CCDC62: variants seen among roughly 807,000 people sequenced by gnomAD.
CCDC62 encodes the protein coiled-coil domain-containing protein 62.
Under a neutral mutation model 80.8 loss-of-function variants are expected in CCDC62, and 72 were observed. The observed-to-expected ratio is 0.89, with a 90% confidence interval of 0.74 to 1.08. CCDC62 has a LOEUF of 1.08. Ranked by LOEUF, CCDC62 falls within the 50% of genes least tolerant of loss-of-function variation. The pLI, the probability that CCDC62 is intolerant of heterozygous loss-of-function variation, is 0.00. For missense variants in CCDC62, 704 were observed against 809.4 expected (o/e 0.87, Z 1.58); for synonymous variants, 286 against 296.5 (o/e 0.96, Z 0.36).
chr12:122,823,482 A>C, intron 12 of CCDC62, 23 bp downstream of exon 12: 1 of 1,074,242 alleles, frequency 9.3e-7, no homozygotes, highest in Non-Finnish European at 1.4e-6. Flanking sequence ...TGCTTATCTC[A>C]CCTTATATCT....
chr12:122,795,788 T>C (rs753825706), intron 6 of CCDC62, among the ~76,000 whole-genome samples: 1 of 152,158 alleles, frequency 6.6e-6, no homozygotes, highest in Non-Finnish European at 1.5e-5. Context: ...ATGATACTAG[T>C]TTACATTTCT....
At chr12:122,821,476 G>T (rs2032401048) in intron 11 of CCDC62, among the ~76,000 whole-genome samples, 1 of 152,114 alleles carries the variant, frequency 6.6e-6, no homozygotes. Flanking sequence ...CTGAGACAGG[G>T]TGTCACTCTC....
intron 10 of CCDC62, among the ~76,000 whole-genome samples, chr12:122,812,141 A>G (rs1410086954): frequency 1.3e-5 from 2 of 152,092 alleles, no homozygotes; most frequent in Non-Finnish European, 2.9e-5. Context: ...TTAACTGAGT[A>G]GGTTCTAAGA....
At chr12:122,814,289 AAAAAAAAAAAAAGAG>A (rs1368913269) in intron 11 of CCDC62, among the ~76,000 whole-genome samples, 1 of 38,184 alleles carries the variant, frequency 2.6e-5, no homozygotes, top group African/African-American at 4.5e-5. Flanking sequence ...CAAAAAAAAA[AAAAAAAAAAAAAGAG>A]AGAGAGAAAG....
At chr12:122,802,615 T>G (rs1282937970) in intron 9 of CCDC62, among the ~76,000 whole-genome samples, 1 of 151,824 alleles carries the variant, frequency 6.6e-6, no homozygotes, top group East Asian at 1.9e-4. Context: ...GGTCTCACCA[T>G]ATTGGCCAGG....
chr12:122,774,591 C>CGCTCGGGGCA lies in CCDC62; in HGVS notation c.-78_-69dup, dbSNP rs1484034825. On this transcript the variant is annotated 5_prime_UTR_variant, in exon 1 of 13. Coordinates refer to ENST00000253079, the MANE Select transcript of CCDC62 (RefSeq NM_201435.5). ...CCCGGGGCTCCGGGCTCGCCCCCGC[C>CGCTCGGGGCA]GCTCGGGGCAGGCGCGCCGATGGCG... is the stretch of plus-strand genomic sequence containing the variant. The CGCTCGGGGCA allele has an allele frequency of 1.4e-5, 16 of 1,119,562 alleles. No individual in the cohort carries two copies. The highest frequency in any genetic ancestry group is 2.9e-4 in the Middle Eastern group (1 of 3,416). The allele number at this position is 1,119,562 out of a possible 1,614,324, so 69.4% of individuals were successfully genotyped here.
intron 3 of CCDC62, among the ~76,000 whole-genome samples, chr12:122,784,682 A>G (rs2030101630): frequency 6.6e-6 from 1 of 152,054 alleles, no homozygotes; most frequent in Admixed American, 6.6e-5. Flanking sequence ...TACAAAAATA[A>G]AAATTAACTG....
At position 122,807,610 on chromosome 12, in the gene CCDC62, C is replaced by T. The variant is rs998841826; in HGVS notation, c.1851+1315C>T. On this transcript the variant is annotated intron_variant, in intron 10 of 12. Coordinates refer to ENST00000253079, the MANE Select transcript of CCDC62 (RefSeq NM_201435.5). ...AGGGTGGCAAATTGAAATCTTCATC[C>T]CACTAATGGGATTACAGGCACAAGG... 3.9e-5 allele frequency among the ~76,000 whole-genome samples: 6 copies of T among 152,016 alleles called. 1 individual carries two copies. The East Asian group carries it at 1.2e-3, about 29-fold the overall frequency.
chr12:122,815,977 T>C (rs1417940330), intron 11 of CCDC62, among the ~76,000 whole-genome samples: 3 of 152,172 alleles, frequency 2.0e-5, no homozygotes, highest in Non-Finnish European at 2.9e-5. Context: ...GTCCTTCAGA[T>C]TGGTATTTTG....
intron 2 of CCDC62, among the ~76,000 whole-genome samples, chr12:122,778,290 G>C (rs1879605684): frequency 6.6e-6 from 1 of 151,058 alleles, no homozygotes; most frequent in African/African-American, 2.4e-5. Context: ...GGAGGCGGAG[G>C]TTGCAGTGAG....
chr12:122,826,383 G>A (rs748672920), intron 12 of CCDC62, 39 bp from the exon 13 acceptor site: 4 of 775,764 alleles, frequency 5.2e-6, no homozygotes, highest in East Asian at 2.4e-5. Flanking sequence ...TTAATTGATT[G>A]TATTTTATTA....
Position 122,826,480 on chromosome 12 carries a change from G to A in CCDC62, c.*99G>A, listed in dbSNP as rs369582885. Reference sequence around the variant, plus strand: ...ACCAATACTGAATGAATACTTAACCGTAAAACTGAAAGAGGATTCTAGTTC... The same window carrying A: ...ACCAATACTGAATGAATACTTAACCATAAAACTGAAAGAGGATTCTAGTTC... On this transcript the variant is annotated 3_prime_UTR_variant, in exon 13 of 13. Transcript: ENST00000253079. 1.3e-5 allele frequency: 10 copies of A among 774,610 alleles called. No homozygotes were observed. The African/African-American group carries it at 1.5e-4, about 12-fold the overall frequency. 48.0% of individuals were successfully genotyped at this position (774,610 alleles called of 1,614,324 possible). A position where few individuals can be genotyped will look rare whatever the true frequency, so the allele number is the denominator to read the frequency against.
In CCDC62 at chr12:122,801,145, C is replaced by T. The variant is rs751899685; in HGVS notation, c.999C>T (p.Asp333=). 6.2e-6 allele frequency: 10 copies of T among 1,611,780 alleles called. No individual in the cohort carries two copies. Among genetic ancestry groups the T allele is most frequent in the East Asian group, 2.2e-5 (1 of 44,858 alleles). ...ATAGCAGAGACATGTGTTTATCAGACCTTGAAAATAACCACCCAAAAGTCG... is the reference window on the plus strand; with the variant it reads ...ATAGCAGAGACATGTGTTTATCAGATCTTGAAAATAACCACCCAAAAGTCG... ...LDSSRDMCLS[D]LENNHPKVDI... Residue 333 remains aspartate (D), a synonymous_variant, in exon 9 of 13, where the codon GAC becomes GAT. Coordinates refer to ENST00000253079, the MANE Select transcript of CCDC62 (RefSeq NM_201435.5).
intron 8 of CCDC62, among the ~76,000 whole-genome samples, chr12:122,800,594 A>ATT: frequency 6.6e-6 from 1 of 151,628 alleles, no homozygotes; most frequent in Non-Finnish European, 1.5e-5. Flanking sequence ...CGCCCGGCTA[A>ATT]TTTTTGTATA....
intron 9 of CCDC62, among the ~76,000 whole-genome samples, chr12:122,805,509 C>CTTTTTTT (rs34211739): frequency 6.1e-5 from 3 of 49,506 alleles, no homozygotes; most frequent in Non-Finnish European, 1.0e-4. Flanking sequence ...ACACCCAGCT[C>CTTTTTTT]TTTTTTTTTT....
chr12:122,810,540 G>A (rs1427212233), intron 10 of CCDC62, among the ~76,000 whole-genome samples: 1 of 124,368 alleles, frequency 8.0e-6, no homozygotes, highest in African/African-American at 2.8e-5. Context: ...GAGAGGATGT[G>A]GAGAAATAGA....
chr12:122,799,347 T>A (rs1328099091), intron 8 of CCDC62, among the ~76,000 whole-genome samples: 3 of 152,200 alleles, frequency 2.0e-5, no homozygotes, highest in Admixed American at 6.5e-5. Context: ...ATTCAGTGTT[T>A]GGACACTAGG....
At chr12:122,803,320 C>T (rs1469658497) in intron 9 of CCDC62, among the ~76,000 whole-genome samples, 2 of 152,122 alleles carry the variant, frequency 1.3e-5, no homozygotes, top group Admixed American at 1.3e-4. Context: ...TTGTATTTAA[C>T]AAGCTGGTAA....
At chr12:122,793,636 G>T (rs1041769636) in intron 6 of CCDC62, among the ~76,000 whole-genome samples, 1 of 151,912 alleles carries the variant, frequency 6.6e-6, no homozygotes. Flanking sequence ...TAATTTTTTT[G>T]CAGAGAAGGG....
Sources: gnomAD v4.1 joint callset for allele counts (sites outside exome capture counted in the v4.1 genomes callset) on GRCh38, gnomAD v4.1.1 for gene constraint, MANE v1.5 for transcripts, NCBI Gene and HGNC (gene_info 2026-07-23, HGNC 2026-07-21) for gene names.